ANKS1B: variants seen among roughly 807,000 people sequenced by gnomAD.
ANKS1B encodes the protein ankyrin repeat and sterile alpha motif domain-containing protein 1B.
In ANKS1B, 36 loss-of-function variants were observed where a neutral mutation model predicts 148.3. The ratio of observed to expected loss-of-function variants is 0.24; its 90% CI spans 0.19 to 0.32. The LOEUF (loss-of-function observed/expected upper bound fraction) is 0.32, where lower values mean the gene tolerates loss of function less well. Ranked by LOEUF, ANKS1B falls within the 10% of genes least tolerant of loss-of-function variation. The pLI, the probability that ANKS1B is intolerant of heterozygous loss-of-function variation, is 1.00. For missense variants in ANKS1B, 1,157 were observed against 1,542.6 expected (o/e 0.75, Z 4.19); for synonymous variants, 542 against 560.8 (o/e 0.97, Z 0.47).
At chr12:99,120,780 G>A (rs1415125498) in intron 15 of ANKS1B, among the ~76,000 whole-genome samples, 1 of 152,152 alleles carries the variant, frequency 6.6e-6, no homozygotes, top group Non-Finnish European at 1.5e-5. Flanking sequence ...CAGTGGATTT[G>A]AGGTCCCTGG....
intron 8 of ANKS1B, among the ~76,000 whole-genome samples, chr12:99,658,697 T>C (rs2098461674): frequency 6.6e-6 from 1 of 152,142 alleles, no homozygotes; most frequent in Non-Finnish European, 1.5e-5. Flanking sequence ...TCTGAAAAAA[T>C]AGTGTAATCA....
intron 1 of ANKS1B, among the ~76,000 whole-genome samples, chr12:99,846,155 TACA>T (rs2086638258): frequency 6.6e-6 from 1 of 152,144 alleles, no homozygotes; most frequent in Non-Finnish European, 1.5e-5. Context: ...GGCCTATAGC[TACA>T]GTTTGCTTTT....
chr12:99,441,680 T>G (rs1178825677), intron 11 of ANKS1B, among the ~76,000 whole-genome samples: 1 of 152,104 alleles, frequency 6.6e-6, no homozygotes, highest in East Asian at 1.9e-4. Flanking sequence ...TCTCACTTAT[T>G]TGTTTTTCTC....
intron 16 of ANKS1B, among the ~76,000 whole-genome samples, chr12:99,076,403 A>G (rs1007980392): frequency 4.6e-5 from 7 of 152,214 alleles, no homozygotes; most frequent in African/African-American, 1.7e-4. Context: ...AATATTAGAA[A>G]AAGTAAGGAA....
intron 9 of ANKS1B, among the ~76,000 whole-genome samples, chr12:99,518,932 GGTTT>G (rs1387522544): frequency 1.3e-5 from 2 of 151,708 alleles, no homozygotes; most frequent in Non-Finnish European, 2.9e-5. Context: ...TTTCCATTAT[GGTTT>G]GTTTTGAGAA....
intron 11 of ANKS1B, among the ~76,000 whole-genome samples, chr12:99,410,330 T>C (rs1215072504): frequency 7.0e-6 from 1 of 143,698 alleles, no homozygotes; most frequent in African/African-American, 2.6e-5. Context: ...TTTTACTCTC[T>C]GATCTTTTAT....
In ANKS1B at chr12:99,468,513, T is replaced by C. The variant is rs145891669; in HGVS notation, c.1439-24704A>G. 7.2e-3 allele frequency among the ~76,000 whole-genome samples: 1,097 copies of C among 152,110 alleles called. 11 individuals carry two copies. Among genetic ancestry groups the C allele is most frequent in the African/African-American group, 0.024 (1,010 of 41,474 alleles). On this transcript the variant is annotated intron_variant, in intron 10 of 26. Coordinates refer to ENST00000683438, the MANE Select transcript of ANKS1B (RefSeq NM_001352186.2). Reference sequence around the variant, plus strand: ...CAGAGTGAACAGGCAACCTAAAAAATGGAAGAAAATTTTCGCAACCTACTC... The same window carrying C: ...CAGAGTGAACAGGCAACCTAAAAAACGGAAGAAAATTTTCGCAACCTACTC...
chr12:99,933,969 TG>T (rs1273882585), intron 1 of ANKS1B, among the ~76,000 whole-genome samples: 1 of 152,274 alleles, frequency 6.6e-6, no homozygotes, highest in Non-Finnish European at 1.5e-5. Flanking sequence ...TTTTATCAAA[TG>T]TTTTTTCAGT....
At chr12:99,751,308 AT>A (rs1346691793) in intron 8 of ANKS1B, among the ~76,000 whole-genome samples, 2 of 152,084 alleles carry the variant, frequency 1.3e-5, no homozygotes, top group Non-Finnish European at 2.9e-5. Flanking sequence ...TAAACAAAAA[AT>A]AAATAAAAAT....
intron 9 of ANKS1B, among the ~76,000 whole-genome samples, chr12:99,541,849 G>A (rs911226926): frequency 6.1e-5 from 8 of 130,108 alleles, no homozygotes; most frequent in South Asian, 2.4e-4. Context: ...GCGAGACTCC[G>A]TCTAAAAAAA....
At chr12:98,741,770 T>G (rs985053119), downstream of ANKS1B, among the ~76,000 whole-genome samples, 5 of 152,346 alleles carry the variant, frequency 3.3e-5, no homozygotes, top group African/African-American at 1.2e-4. Context: ...CAACTCAGCA[T>G]GCACTTTTGA....
At chr12:99,725,512 T>TA (rs1336344150) in intron 8 of ANKS1B, among the ~76,000 whole-genome samples, 1 of 152,160 alleles carries the variant, frequency 6.6e-6, no homozygotes, top group Non-Finnish European at 1.5e-5. Flanking sequence ...AACAAGTTCT[T>TA]AGAGACCTAC....
chr12:98,810,313 T>C (rs979514220), intron 19 of ANKS1B, among the ~76,000 whole-genome samples: 1 of 152,236 alleles, frequency 6.6e-6, no homozygotes, highest in Non-Finnish European at 1.5e-5. Flanking sequence ...ACATGTTAAG[T>C]CTCCAACCCA....
intron 9 of ANKS1B, among the ~76,000 whole-genome samples, chr12:99,600,591 G>A (rs142853908): frequency 5.9e-5 from 9 of 152,096 alleles, no homozygotes; most frequent in East Asian, 5.8e-4. Context: ...TAGACATGTC[G>A]TTCCAGGCCA....
intron 15 of ANKS1B, among the ~76,000 whole-genome samples, chr12:99,142,266 A>G (rs1032711808): frequency 3.9e-5 from 6 of 152,080 alleles, no homozygotes; most frequent in African/African-American, 1.4e-4. Context: ...AAGATCGGGT[A>G]AACAGGGACT....
chr12:99,579,133 G>C (rs1452851837), intron 9 of ANKS1B, among the ~76,000 whole-genome samples: 2 of 152,020 alleles, frequency 1.3e-5, no homozygotes, highest in Non-Finnish European at 2.9e-5. Flanking sequence ...TGCTGGAATA[G>C]CTGACTACCC....
At chr12:99,105,785 A>G (rs981324589) in intron 15 of ANKS1B, among the ~76,000 whole-genome samples, 4 of 151,788 alleles carry the variant, frequency 2.6e-5, no homozygotes, top group African/African-American at 4.8e-5. Context: ...AAAAAAAAAA[A>G]AAAACTAAAA....
chr12:99,774,417 G>C, intron 7 of ANKS1B, among the ~76,000 whole-genome samples: 1 of 152,022 alleles, frequency 6.6e-6, no homozygotes, highest in Non-Finnish European at 1.5e-5. Flanking sequence ...AAATGTAAAT[G>C]AAAGCCACAA....
At chr12:99,002,490 C>T (rs2372515) in intron 17 of ANKS1B, among the ~76,000 whole-genome samples, 147,759 of 149,986 alleles carry the variant, frequency 0.99, 72,766 homozygotes, top group South Asian at 1. Flanking sequence ...ACTTATCTCT[C>T]TTTTTTTTTT....
Sources: gnomAD v4.1 joint callset for allele counts (sites outside exome capture counted in the v4.1 genomes callset) on GRCh38, gnomAD v4.1.1 for gene constraint, MANE v1.5 for transcripts, NCBI Gene and HGNC (gene_info 2026-07-23, HGNC 2026-07-21) for gene names.